Variants in KCNB2 observed in about 807,000 individuals in gnomAD.
KCNB2 encodes potassium voltage-gated channel subfamily B member 2.
KCNB2 carries 15 observed loss-of-function variants against 61.5 expected under a neutral mutation model. The ratio of observed to expected loss-of-function variants is 0.24; its 90% CI spans 0.16 to 0.38. The LOEUF is 0.38. KCNB2 is among the 10% of genes least tolerant of loss of function. The probability of loss-of-function intolerance (pLI) is 1.00; values close to 1 mark genes in which losing one functional copy is unlikely to be tolerated. For synonymous variants in KCNB2, 457 were observed against 446.0 expected (o/e 1.02, Z -0.31); for missense variants, 828 against 1,125.2 (o/e 0.74, Z 3.78).
intron 2 of KCNB2, among the ~76,000 whole-genome samples, chr8:72,613,710 A>G (rs1164649543): frequency 1.3e-5 from 2 of 152,164 alleles, no homozygotes; most frequent in South Asian, 2.1e-4. Context: ...CCTCCATTGT[A>G]GTCCCATTGT....
intron 2 of KCNB2, among the ~76,000 whole-genome samples, chr8:72,683,353 G>A (rs998238727): frequency 6.6e-6 from 1 of 152,112 alleles, no homozygotes; most frequent in Non-Finnish European, 1.5e-5. Context: ...TCTAGGCACT[G>A]TGCCAGGCCA....
intron 2 of KCNB2, among the ~76,000 whole-genome samples, chr8:72,682,749 A>G (rs143229611): frequency 6.6e-6 from 1 of 152,250 alleles, no homozygotes; most frequent in African/African-American, 2.4e-5. Flanking sequence ...GTATACCACC[A>G]TCCCCAGCTA....
chr8:72,931,795 T>C (rs924313354), intron 2 of KCNB2, among the ~76,000 whole-genome samples: 20 of 152,222 alleles, frequency 1.3e-4, no homozygotes, highest in Admixed American at 5.2e-4. Context: ...GTGAATCAAC[T>C]TGAGGCCCGG....
At chr8:72,629,112 T>C (rs1339538129) in intron 2 of KCNB2, among the ~76,000 whole-genome samples, 1 of 152,180 alleles carries the variant, frequency 6.6e-6, no homozygotes, top group African/African-American at 2.4e-5. Context: ...ACAATAGTCT[T>C]GATGTAGGGG....
At chr8:72,845,519 C>T (rs1188156306) in intron 2 of KCNB2, among the ~76,000 whole-genome samples, 4 of 152,220 alleles carry the variant, frequency 2.6e-5, no homozygotes, top group Non-Finnish European at 5.9e-5. Flanking sequence ...ATATTTAAGT[C>T]TGCTGAAGCT....
intron 2 of KCNB2, among the ~76,000 whole-genome samples, chr8:72,756,147 C>T (rs1224974400): frequency 6.6e-6 from 1 of 152,178 alleles, no homozygotes; most frequent in Non-Finnish European, 1.5e-5. Context: ...CAGTCAGGAG[C>T]AGGCTCTGAA....
At chr8:72,595,561 T>C (rs1807176288) in intron 2 of KCNB2, among the ~76,000 whole-genome samples, 1 of 152,104 alleles carries the variant, frequency 6.6e-6, no homozygotes, top group Admixed American at 6.5e-5. Context: ...CCTGACCTCG[T>C]GATCCGCCCA....
chr8:72,671,035 TAA>T (rs1309398751), intron 2 of KCNB2, among the ~76,000 whole-genome samples: 1 of 152,208 alleles, frequency 6.6e-6, no homozygotes, highest in African/African-American at 2.4e-5. Flanking sequence ...ACCTACATAA[TAA>T]AGTTACGGAA....
At chr8:72,830,494 T>G (rs1809676773) in intron 2 of KCNB2, among the ~76,000 whole-genome samples, 2 of 152,242 alleles carry the variant, frequency 1.3e-5, no homozygotes, top group Non-Finnish European at 2.9e-5. Context: ...CTTATTCATG[T>G]AAGAACTGCT....
intron 1 of KCNB2, among the ~76,000 whole-genome samples, chr8:72,544,272 G>A (rs1806229395): frequency 6.6e-6 from 1 of 152,196 alleles, no homozygotes; most frequent in Admixed American, 6.5e-5. Context: ...GAAGTGATGG[G>A]AGACGAGGCT....
chr8:72,850,199 GTGTGTGTGTGTGTGTGTGTGTA>G (rs755827545), intron 2 of KCNB2, among the ~76,000 whole-genome samples: 1,916 of 34,208 alleles, frequency 0.056, 38 homozygotes, highest in Middle Eastern at 0.11. Context: ...AAGTGTGTGT[GTGTGTGTGTGTGTGTGTGTGTA>G]TGTGTGTGTG....
At chr8:72,620,671 C>T (rs951386104) in intron 2 of KCNB2, among the ~76,000 whole-genome samples, 20 of 152,126 alleles carry the variant, frequency 1.3e-4, no homozygotes, top group African/African-American at 4.6e-4. Context: ...TGCAGTGGTG[C>T]GACCTTGGCT....
intron 2 of KCNB2, among the ~76,000 whole-genome samples, chr8:72,735,358 A>G (rs1025205073): frequency 2.0e-5 from 3 of 152,212 alleles, no homozygotes; most frequent in African/African-American, 7.2e-5. Flanking sequence ...TATTTTGCTC[A>G]TAAAAGTCAT....
At chr8:72,643,406 C>T (rs1463145843) in intron 2 of KCNB2, among the ~76,000 whole-genome samples, 1 of 152,140 alleles carries the variant, frequency 6.6e-6, no homozygotes, top group Non-Finnish European at 1.5e-5. Context: ...CCAGACTCTG[C>T]ATCAACTCCT....
intron 2 of KCNB2, among the ~76,000 whole-genome samples, chr8:72,848,023 T>G (rs1039658059): frequency 6.6e-6 from 1 of 152,226 alleles, no homozygotes; most frequent in Non-Finnish European, 1.5e-5. Flanking sequence ...CCCTATTGCA[T>G]AAAGCTTTCA....
intron 2 of KCNB2, among the ~76,000 whole-genome samples, chr8:72,745,406 C>G (rs767453194): frequency 3.9e-5 from 6 of 152,220 alleles, no homozygotes; most frequent in Middle Eastern, 3.4e-3. Flanking sequence ...TCACTCATGA[C>G]CAACTGGCCA....
intron 2 of KCNB2, among the ~76,000 whole-genome samples, chr8:72,761,420 A>G (rs768538773): frequency 1.3e-5 from 2 of 152,170 alleles, no homozygotes; most frequent in Non-Finnish European, 2.9e-5. Context: ...AACAATGCCT[A>G]AGGAGATTTG....
intron 2 of KCNB2, among the ~76,000 whole-genome samples, chr8:72,586,531 T>A (rs531826343): frequency 6.6e-6 from 1 of 152,298 alleles, no homozygotes; most frequent in African/African-American, 2.4e-5. Context: ...AAAAGCCTGA[T>A]AGCCTGATAG....
intron 1 of KCNB2, among the ~76,000 whole-genome samples, chr8:72,558,607 G>T (rs1160268424): frequency 1.3e-5 from 2 of 152,086 alleles, no homozygotes; most frequent in East Asian, 3.8e-4. Context: ...AATAAATAAG[G>T]AAGGACTTAA....
Sources: allele counts gnomAD v4.1 joint callset (sites outside exome capture counted in the v4.1 genomes callset), GRCh38; gene constraint gnomAD v4.1.1; transcripts MANE v1.5; gene names NCBI Gene and HGNC (gene_info 2026-07-23, HGNC 2026-07-21).